FAF1: variants seen among roughly 807,000 people sequenced by gnomAD.
FAF1 encodes the protein FAS-associated factor 1.
A neutral mutation model predicts 92.5 loss-of-function variants in FAF1; 25 were observed. The ratio of observed to expected loss-of-function variants is 0.27; its 90% CI spans 0.20 to 0.38. The LOEUF (loss-of-function observed/expected upper bound fraction) is 0.38. FAF1 is among the 10% of genes least tolerant of loss of function. The probability of loss-of-function intolerance (pLI) is 1.00; values close to 1 mark genes in which losing one functional copy is unlikely to be tolerated. For synonymous variants in FAF1, 234 were observed against 273.2 expected (o/e 0.86, Z 1.42); for missense variants, 636 against 793.3 (o/e 0.80, Z 2.38).
intron 7 of FAF1, among the ~76,000 whole-genome samples, chr1:50,703,177 T>C (rs1458005576): frequency 2.0e-5 from 3 of 152,162 alleles, no homozygotes; most frequent in African/African-American, 4.8e-5. Context: ...TTAGCACATA[T>C]GGTATCATTA....
chr1:50,559,575 G>A (rs905691024), intron 13 of FAF1, among the ~76,000 whole-genome samples: 3 of 152,180 alleles, frequency 2.0e-5, no homozygotes, highest in African/African-American at 4.8e-5. Flanking sequence ...AGAACACACG[G>A]CATTGTTTGC....
At chr1:50,480,609 A>C (rs1646689513) in intron 17 of FAF1, among the ~76,000 whole-genome samples, 1 of 152,206 alleles carries the variant, frequency 6.6e-6, no homozygotes, top group Non-Finnish European at 1.5e-5. Flanking sequence ...GGTAGGGATA[A>C]AGACAACAAA....
At chr1:50,639,598 T>G (rs1325259579) in intron 8 of FAF1, among the ~76,000 whole-genome samples, 1 of 152,160 alleles carries the variant, frequency 6.6e-6, no homozygotes, top group Non-Finnish European at 1.5e-5. Context: ...TTGTTCTTTT[T>G]TTTTGTCTTC....
At chr1:50,646,398 A>G (rs1285011262) in intron 8 of FAF1, among the ~76,000 whole-genome samples, 1 of 152,212 alleles carries the variant, frequency 6.6e-6, no homozygotes. Flanking sequence ...TGTTTATCCA[A>G]TTACTATACT....
At chr1:50,838,201 G>A (rs1002567037) in intron 2 of FAF1, among the ~76,000 whole-genome samples, 15 of 152,080 alleles carry the variant, frequency 9.9e-5, no homozygotes, top group Non-Finnish European at 8.8e-5. Flanking sequence ...GGTAAAGCCT[G>A]CAGATACCAT....
At chr1:50,609,535 C>T (rs1025462539) in intron 8 of FAF1, among the ~76,000 whole-genome samples, 1 of 152,160 alleles carries the variant, frequency 6.6e-6, no homozygotes, top group African/African-American at 2.4e-5. Context: ...CAGGCACATG[C>T]CACCACATCT....
intron 2 of FAF1, among the ~76,000 whole-genome samples, chr1:50,816,971 G>C (rs1346317163): frequency 6.6e-6 from 1 of 152,086 alleles, no homozygotes; most frequent in East Asian, 1.9e-4. Context: ...TTTGTTAACT[G>C]GTTGAAGATT....
chr1:50,611,525 G>C (rs560060424), intron 8 of FAF1, among the ~76,000 whole-genome samples: 1 of 152,026 alleles, frequency 6.6e-6, no homozygotes, highest in African/African-American at 2.4e-5. Flanking sequence ...TACTTTCTGC[G>C]GATAGCAGAT....
intron 12 of FAF1, among the ~76,000 whole-genome samples, chr1:50,569,654 AT>A (rs776292133): frequency 2.0e-5 from 3 of 152,126 alleles, no homozygotes; most frequent in Non-Finnish European, 2.9e-5. Context: ...AAATCAGCAT[AT>A]TTCTAACTAA....
chr1:50,576,303 C>T (rs938432975), intron 12 of FAF1, among the ~76,000 whole-genome samples: 17 of 152,150 alleles, frequency 1.1e-4, no homozygotes, highest in African/African-American at 4.1e-4. Context: ...CACAGAGCTA[C>T]TAAGTGGGAA....
chr1:50,843,285 T>C (rs1644271102), intron 2 of FAF1, among the ~76,000 whole-genome samples: 1 of 152,174 alleles, frequency 6.6e-6, no homozygotes, highest in Non-Finnish European at 1.5e-5. Context: ...AATAGCCGTA[T>C]ATATTTATGG....
intron 7 of FAF1, among the ~76,000 whole-genome samples, chr1:50,675,742 A>G (rs1483362471): frequency 6.6e-6 from 1 of 152,226 alleles, no homozygotes; most frequent in Non-Finnish European, 1.5e-5. Context: ...TAAAGACACA[A>G]TAGTCTTGCC....
At chr1:50,781,443 A>G (rs957669378) in intron 4 of FAF1, among the ~76,000 whole-genome samples, 1 of 152,236 alleles carries the variant, frequency 6.6e-6, no homozygotes, top group Admixed American at 6.5e-5. Flanking sequence ...AAAATGGTCA[A>G]TTCACCAGGA....
chr1:50,832,827 G>A (rs1644166333), intron 2 of FAF1, among the ~76,000 whole-genome samples: 1 of 152,014 alleles, frequency 6.6e-6, no homozygotes, highest in Admixed American at 6.5e-5. Context: ...TAGTTATAAA[G>A]TTCCATTTCT....
intron 18 of FAF1, among the ~76,000 whole-genome samples, chr1:50,463,840 T>A (rs1646461978): frequency 6.6e-6 from 1 of 152,204 alleles, no homozygotes; most frequent in African/African-American, 2.4e-5. Context: ...GCCCAACTGT[T>A]CTTAAAACTA....
intron 1 of FAF1, among the ~76,000 whole-genome samples, chr1:50,911,844 G>A (rs1413600505): frequency 6.6e-6 from 1 of 152,074 alleles, no homozygotes; most frequent in African/African-American, 2.4e-5. Flanking sequence ...ACCAGCCTGG[G>A]CAACATGACG....
At chr1:50,782,702 A>G (rs1293180670) in intron 4 of FAF1, among the ~76,000 whole-genome samples, 1 of 152,134 alleles carries the variant, frequency 6.6e-6, no homozygotes, top group Non-Finnish European at 1.5e-5. Flanking sequence ...TAAAAGTTTT[A>G]AAATTTATAA....
intron 1 of FAF1, among the ~76,000 whole-genome samples, chr1:50,858,433 C>T (rs1047272466): frequency 8.6e-5 from 13 of 151,910 alleles, no homozygotes; most frequent in African/African-American, 2.7e-4. Flanking sequence ...TAGATCTGTG[C>T]TGTCTGATAG....
intron 3 of FAF1, among the ~76,000 whole-genome samples, chr1:50,788,890 G>A (rs1661464707): frequency 6.6e-6 from 1 of 152,100 alleles, no homozygotes; most frequent in South Asian, 2.1e-4. Context: ...GGACAGCAGT[G>A]GCACAATCTT....
Sources: allele counts gnomAD v4.1 joint callset (sites outside exome capture counted in the v4.1 genomes callset), GRCh38; gene constraint gnomAD v4.1.1; transcripts MANE v1.5; gene names NCBI Gene and HGNC (gene_info 2026-07-23, HGNC 2026-07-21).